The following FNIP2 variants were observed in gnomAD, a reference collection of about 807,000 sequenced individuals.
FNIP2 encodes folliculin interacting protein 2.
In FNIP2, 32 loss-of-function variants were observed where a neutral mutation model predicts 108.7. The ratio of observed to expected loss-of-function variants is 0.29; its 90% CI spans 0.22 to 0.40. FNIP2 has a LOEUF of 0.40. FNIP2 is among the 10% of genes least tolerant of loss of function. FNIP2 has a pLI of 1.00. For missense variants in FNIP2, 1,202 were observed against 1,381.6 expected (o/e 0.87, Z 2.06); for synonymous variants, 480 against 496.7 (o/e 0.97, Z 0.45).
chr4:158,798,571 G>GGT (rs1473923373), intron 1 of FNIP2, among the ~76,000 whole-genome samples: 2 of 152,194 alleles, frequency 1.3e-5, no homozygotes, highest in African/African-American at 4.8e-5. Context: ...ACTTCATAAA[G>GGT]GTGGCAGGGG....
chr4:158,881,100 A>C (rs1469839377), intron 14 of FNIP2, among the ~76,000 whole-genome samples: 1 of 152,224 alleles, frequency 6.6e-6, no homozygotes, highest in African/African-American at 2.4e-5. Flanking sequence ...CAGTTTAATA[A>C]ATGTATTAAA....
chr4:158,904,408 C>G (rs1197181833), intron 16 of FNIP2, 58 bp from the exon 17 acceptor site: 19 of 1,391,988 alleles, frequency 1.4e-5, no homozygotes, highest in Non-Finnish European at 1.7e-5. Flanking sequence ...AGAAATAATA[C>G]TTTCTCATAA....
At chr4:158,777,461 G>A (rs574750460) in intron 1 of FNIP2, among the ~76,000 whole-genome samples, 4 of 152,318 alleles carry the variant, frequency 2.6e-5, no homozygotes, top group South Asian at 4.1e-4. Flanking sequence ...ATGGATTTGC[G>A]AATCTGACAT....
chr4:158,790,102 GTATA>G (rs1776361982), intron 1 of FNIP2, among the ~76,000 whole-genome samples: 1 of 151,750 alleles, frequency 6.6e-6, no homozygotes, highest in Admixed American at 6.5e-5. Context: ...TTCCGGCTAT[GTATA>G]TATAAAGTGT....
chr4:158,802,721 C>G (rs1326719143), intron 1 of FNIP2, among the ~76,000 whole-genome samples: 1 of 152,152 alleles, frequency 6.6e-6, no homozygotes, highest in Non-Finnish European at 1.5e-5. Flanking sequence ...GAGGTGGGTC[C>G]TGGCAGCACT....
At chr4:158,825,425 G>A (rs1778100095) in intron 1 of FNIP2, among the ~76,000 whole-genome samples, 1 of 152,176 alleles carries the variant, frequency 6.6e-6, no homozygotes, top group South Asian at 2.1e-4. Flanking sequence ...ATAAATTTTA[G>A]GGTATGTAAT....
At chr4:158,849,801 T>TAA (rs55717420) in intron 7 of FNIP2, among the ~76,000 whole-genome samples, 11 of 141,744 alleles carry the variant, frequency 7.8e-5, no homozygotes. Context: ...ACAGTTTGGT[T>TAA]AAAAAAAAAA....
At chr4:158,897,951 T>C (rs975621599) in intron 16 of FNIP2, among the ~76,000 whole-genome samples, 1 of 152,266 alleles carries the variant, frequency 6.6e-6, no homozygotes, top group Admixed American at 6.5e-5. Flanking sequence ...GGTTTTCTTC[T>C]AGGGTTTTTA....
intron 1 of FNIP2, among the ~76,000 whole-genome samples, chr4:158,805,555 T>A (rs935685898): frequency 6.6e-6 from 1 of 152,184 alleles, no homozygotes; most frequent in Non-Finnish European, 1.5e-5. Context: ...AAAGCAAGGA[T>A]ATATCCCTAA....
chr4:158,899,493 G>T (rs1783006380), intron 16 of FNIP2, among the ~76,000 whole-genome samples: 1 of 152,122 alleles, frequency 6.6e-6, no homozygotes, highest in Non-Finnish European at 1.5e-5. Flanking sequence ...ACATTTTTTG[G>T]TTGGTAGGCT....
At position 158,907,082 on chromosome 4, in the gene FNIP2, G is replaced by T. The variant is rs1729907938; in HGVS notation, c.*2538G>T. On this transcript the variant is annotated 3_prime_UTR_variant, in exon 17 of 17. Coordinates refer to ENST00000264433, the MANE Select transcript of FNIP2 (RefSeq NM_020840.3). Reference sequence around the variant, plus strand: ...TTGCTTTTCCAAGCAAGCTAGTGAGGCATGACAGAGCAGAAGTCTGTAAAT... The same window carrying T: ...TTGCTTTTCCAAGCAAGCTAGTGAGTCATGACAGAGCAGAAGTCTGTAAAT... The T allele has an allele frequency of 6.6e-6, 1 of 152,182 alleles. No individual in the cohort carries two copies. The highest frequency in any genetic ancestry group is 1.5e-5 in the Non-Finnish European group (1 of 68,036). The allele number at this position is 152,182 out of a possible 1,614,324, so 9.4% of individuals were successfully genotyped here.
chr4:158,904,068 G>A (rs1443337450), intron 16 of FNIP2, among the ~76,000 whole-genome samples: 1 of 152,212 alleles, frequency 6.6e-6, no homozygotes, highest in Non-Finnish European at 1.5e-5. Flanking sequence ...TTGAACTTAG[G>A]TGAAAAATCA....
At chr4:158,860,940 C>T (rs1159805180) in intron 10 of FNIP2, among the ~76,000 whole-genome samples, 2 of 152,004 alleles carry the variant, frequency 1.3e-5, no homozygotes, top group African/African-American at 4.8e-5. Context: ...AGGTATGAGC[C>T]ACCACGCCCG....
chr4:158,890,610 T>A (rs1782230442), intron 14 of FNIP2, among the ~76,000 whole-genome samples: 1 of 152,214 alleles, frequency 6.6e-6, no homozygotes, highest in Non-Finnish European at 1.5e-5. Context: ...TCTCTTTGGG[T>A]TCTTTGTTGC....
At chr4:158,870,636 C>T (rs1780889101) in intron 14 of FNIP2, among the ~76,000 whole-genome samples, 167 bp downstream of exon 14, 1 of 152,218 alleles carries the variant, frequency 6.6e-6, no homozygotes, top group African/African-American at 2.4e-5. Context: ...TGGGGCCTAG[C>T]AGCAGCTGGA....
At chr4:158,874,774 C>T (rs934159138) in intron 14 of FNIP2, among the ~76,000 whole-genome samples, 2 of 151,824 alleles carry the variant, frequency 1.3e-5, no homozygotes, top group Non-Finnish European at 2.9e-5. Context: ...AAATTACTGT[C>T]AGAGATAAGA....
chr4:158,861,181 T>C (rs1383392803), intron 10 of FNIP2, among the ~76,000 whole-genome samples, 161 bp from the exon 11 acceptor site: 1 of 152,272 alleles, frequency 6.6e-6, no homozygotes, highest in African/African-American at 2.4e-5. Context: ...CAGTCAGATT[T>C]GGCCCGTGGG....
chr4:158,777,630 G>A lies in FNIP2; in HGVS notation c.107+8311G>A, dbSNP rs975307401. On this transcript the variant is annotated intron_variant, in intron 1 of 16. Coordinates refer to ENST00000264433, the MANE Select transcript of FNIP2 (RefSeq NM_020840.3). ...GTAAGTTAGTTGCTAGGGCAGAAGG[G>A]GGCGGCCGGAACTACTGGCCCTGCC... Among the ~76,000 whole-genome samples, 18 of 152,278 alleles carry A rather than the reference G, an allele frequency of 1.2e-4. No homozygotes were observed. The South Asian group carries it at 1.5e-3, about 12-fold the overall frequency.
intron 14 of FNIP2, among the ~76,000 whole-genome samples, chr4:158,877,302 C>A (rs1781337494): frequency 6.6e-6 from 1 of 152,138 alleles, no homozygotes; most frequent in Non-Finnish European, 1.5e-5. Context: ...TCCCGGAACC[C>A]CTCCAGACCA....
Sources: gnomAD v4.1 joint callset for allele counts (sites outside exome capture counted in the v4.1 genomes callset) on GRCh38, gnomAD v4.1.1 for gene constraint, MANE v1.5 for transcripts, NCBI Gene and HGNC (gene_info 2026-07-23, HGNC 2026-07-21) for gene names.